RGS12: variants seen among roughly 807,000 people sequenced by gnomAD.
The protein encoded by RGS12 is regulator of G-protein signaling 12.
Under a neutral mutation model 120.1 loss-of-function variants are expected in RGS12, and 66 were observed. The observed-to-expected ratio is 0.55, with a 90% CI of 0.45 to 0.67. The LOEUF (loss-of-function observed/expected upper bound fraction) is 0.67. RGS12 is among the 30% of genes least tolerant of loss of function. RGS12 has a pLI of 0.00. For missense variants in RGS12, 1,859 were observed against 1,957.7 expected, an observed-to-expected ratio of 0.95 and a Z score of 0.95; for synonymous variants, 827 against 804.7, an observed-to-expected ratio of 1.03 and a Z score of -0.47.
At chr4:3,371,119 C>T (rs1716938334) in intron 3 of RGS12, among the ~76,000 whole-genome samples, 1 of 152,204 alleles carries the variant, frequency 6.6e-6, no homozygotes, top group Non-Finnish European at 1.5e-5. Context: ...TGAGCCGCGT[C>T]CTTCCTTTTA....
intron 4 of RGS12, among the ~76,000 whole-genome samples, chr4:3,410,883 A>G (rs1195914436): frequency 6.6e-6 from 1 of 152,096 alleles, no homozygotes; most frequent in Non-Finnish European, 1.5e-5. Flanking sequence ...AGGTGCTCTG[A>G]TGTAGAAAAG....
chr4:3,328,063 A>G (rs976163714), intron 2 of RGS12, among the ~76,000 whole-genome samples: 1 of 152,268 alleles, frequency 6.6e-6, no homozygotes, highest in East Asian at 1.9e-4. Flanking sequence ...TCAGCCATCA[A>G]AAGAATGAAA....
At chr4:3,438,499 G>C (rs1039194894) in intron 17 of RGS12, among the ~76,000 whole-genome samples, 4 of 152,088 alleles carry the variant, frequency 2.6e-5, no homozygotes, top group Non-Finnish European at 5.9e-5. Context: ...CAGGCCCTGG[G>C]GTCCTGCCAT....
chr4:3,342,826 A>G, intron 2 of RGS12, 111 bp from the exon 3 acceptor site: 1 of 803,564 alleles, frequency 1.2e-6, no homozygotes, highest in Non-Finnish European at 2.1e-6. Context: ...TCTCTTTTTA[A>G]AAAGTCTTTG....
chr4:3,341,673 A>AGGGTG, intron 2 of RGS12, among the ~76,000 whole-genome samples: 1 of 232 alleles, frequency 4.3e-3, no homozygotes, highest in African/African-American at 0.016. Context: ...GGGGGAGGGG[A>AGGGTG]GATGGGGGTG....
Position 3,417,265 on chromosome 4 carries a change from C to T in RGS12, c.2608-123C>T, listed in dbSNP as rs1306720463. The T allele has an allele frequency of 1.2e-5, 16 of 1,314,332 alleles. No individual in the cohort carries two copies. The Admixed American group carries it at 4.4e-4, about 36-fold the overall frequency. 81.4% of individuals were successfully genotyped at this position (1,314,332 alleles called of 1,614,324 possible). A position where few individuals can be genotyped will look rare whatever the true frequency, so the allele number is the denominator to read the frequency against. On this transcript the variant is annotated intron_variant, in intron 8 of 17. Transcript: ENST00000336727. ...AGTCCTGTCAGGGCCACACCATGAC[C>T]TGTAGAAGTGATACCATCCCATAGA...
upstream of RGS12, among the ~76,000 whole-genome samples, chr4:3,288,050 G>A (rs892830381): frequency 2.0e-5 from 3 of 152,216 alleles, no homozygotes; most frequent in Non-Finnish European, 2.9e-5. This position sits in a 1 kb window ranked among gnomAD's most constrained non-coding sequence, Gnocchi z 5.2. Context: ...CCGAGCCGTC[G>A]AGAGACACCG....
In RGS12 at chr4:3,390,270, C is replaced by T. The variant is rs778461447; in HGVS notation, c.2020+3833C>T. Among the ~76,000 whole-genome samples, 1 of 152,174 alleles carries T rather than the reference C, an allele frequency of 6.6e-6. No individual in the cohort carries two copies. The highest frequency in any genetic ancestry group is 2.4e-5 in the African/African-American group (1 of 41,442). On this transcript the variant is annotated intron_variant, in intron 4 of 17. Transcript: ENST00000336727. The surrounding 1 kb of genome is among the most constrained non-coding windows in gnomAD (Gnocchi z 4.6). Reference sequence around the variant, plus strand: ...TTCCTGCCCGTGCTAGGGGCAGCTTCCATCATTTTAATTATTCATCTGTGT... The same window carrying T: ...TTCCTGCCCGTGCTAGGGGCAGCTTTCATCATTTTAATTATTCATCTGTGT...
the RGS12 span, among the ~76,000 whole-genome samples, chr4:3,286,264 G>T: frequency 2.0e-5 from 3 of 152,182 alleles, no homozygotes; most frequent in Non-Finnish European, 4.4e-5. Flanking sequence ...GCCCCAGGCC[G>T]CGTGTGGTTT....
At chr4:3,286,184 C>T in the RGS12 span, among the ~76,000 whole-genome samples, 1 of 152,326 alleles carries the variant, frequency 6.6e-6, no homozygotes, top group East Asian at 1.9e-4. Context: ...CGAGGAGGTT[C>T]CAGGGGTGCA....
Position 3,439,640 on chromosome 4 carries a change from C to A in RGS12, c.4300C>A (p.Pro1434Thr). ...TGGCTTGGGCCCCGTCCCGGGTGAG[C>A]CTGCTAAGCCCAAGACCAGCGCTCA... is the stretch of plus-strand genomic sequence containing the variant. ...LPGLGPVPGEPAKPKTSAHHA... is the reference protein window; with the variant it reads ...LPGLGPVPGETAKPKTSAHHA... The change falls in exon 18 of 18, where the codon CCT (proline) becomes ACT (threonine). Residue 1434 changes from proline (P) to threonine (T), a missense_variant. Pro to Thr is a conservative substitution (Grantham distance 38). This residue lies in a region of RGS12 where 517 missense variants were observed against 488.5 expected (regional missense o/e 1.06). Transcript: ENST00000336727. 6.3e-7 allele frequency: 1 copy of A among 1,584,358 alleles called. No homozygotes were observed. The highest frequency in any genetic ancestry group is 1.2e-5 in the South Asian group (1 of 85,508).
intron 4 of RGS12, among the ~76,000 whole-genome samples, chr4:3,408,397 G>A (rs1206960896): frequency 6.6e-6 from 1 of 152,178 alleles, no homozygotes; most frequent in East Asian, 1.9e-4. Context: ...GTTGAGCCAC[G>A]TAGCAAAGAA....
At chr4:3,429,925 C>G (rs1724069753) in intron 16 of RGS12, among the ~76,000 whole-genome samples, 4 of 152,192 alleles carry the variant, frequency 2.6e-5, no homozygotes, top group Admixed American at 2.6e-4. Context: ...CAGGGCCTTC[C>G]TCTACCACCC....
At chr4:3,319,030 C>T (rs1024142116) in intron 2 of RGS12, among the ~76,000 whole-genome samples, 1 of 152,192 alleles carries the variant, frequency 6.6e-6, no homozygotes, top group Admixed American at 6.5e-5. Flanking sequence ...GCTGGGTAGG[C>T]AGGGCCGGGG....
intron 2 of RGS12, among the ~76,000 whole-genome samples, chr4:3,337,078 A>G (rs571160539): frequency 6.6e-6 from 1 of 152,392 alleles, no homozygotes; most frequent in African/African-American, 2.4e-5. Flanking sequence ...ATACACAAGT[A>G]GTCAATGGGC....
At chr4:3,376,182 G>A (rs1435929511) in intron 3 of RGS12, among the ~76,000 whole-genome samples, 6 of 151,928 alleles carry the variant, frequency 3.9e-5, no homozygotes, top group Admixed American at 6.5e-5. Context: ...TTGAAAGGCT[G>A]TCATTTTGGT....
intron 3 of RGS12, chr4:3,370,041 A>G: frequency 7.9e-7 from 1 of 1,266,656 alleles, no homozygotes; most frequent in Non-Finnish European, 9.9e-7. Context: ...ATGATCTCAC[A>G]GCGTGATTTA....
chr4:3,353,386 C>T (rs1363740108), intron 3 of RGS12, among the ~76,000 whole-genome samples: 1 of 152,214 alleles, frequency 6.6e-6, no homozygotes, highest in Non-Finnish European at 1.5e-5. Flanking sequence ...TCTGGCACAG[C>T]AGCTGTGAAT....
At chr4:3,423,044 C>A in intron 12 of RGS12, 66 bp downstream of exon 12, 1 of 1,325,154 alleles carries the variant, frequency 7.5e-7, no homozygotes, top group Non-Finnish European at 1.1e-6. Flanking sequence ...CCACCACCTG[C>A]TGGTCTCTGC....
Sources: gnomAD v4.1 joint callset for allele counts (sites outside exome capture counted in the v4.1 genomes callset) on GRCh38, gnomAD v4.1.1 for gene constraint, gnomAD v4.1.1 regional missense constraint, Gnocchi (gnomAD v3.1) non-coding constraint, MANE v1.5 for transcripts, NCBI Gene and HGNC (gene_info 2026-07-23, HGNC 2026-07-21) for gene names.